The following TLN2 variants were observed in gnomAD, a reference collection of about 807,000 sequenced individuals.
The protein encoded by TLN2 is talin 2.
A neutral mutation model predicts 294.7 loss-of-function variants in TLN2; 118 were observed. That is an observed-to-expected ratio of 0.40 (90% confidence interval 0.34 to 0.47). The LOEUF is 0.47. Ranked by LOEUF, TLN2 falls within the 20% of genes least tolerant of loss-of-function variation. The pLI, the probability that TLN2 is intolerant of heterozygous loss-of-function variation, is 0.84. For synonymous variants in TLN2, 1,431 were observed against 1,304.5 expected, an observed-to-expected ratio of 1.10 and a Z score of -2.09; for missense variants, 3,083 against 3,282.2, an observed-to-expected ratio of 0.94 and a Z score of 1.48.
Position 62,842,165 on chromosome 15 carries a change from A to ATATT in TLN2, c.*1559_*1562dup, listed in dbSNP as rs1352762948. The ATATT allele has an allele frequency of 2.6e-5, 4 of 151,786 alleles. No individual in the cohort carries two copies. The highest frequency in any genetic ancestry group is 2.1e-4 in the South Asian group (1 of 4,828). 9.4% of individuals were successfully genotyped at this position (151,786 alleles called of 1,614,324 possible). A position where few individuals can be genotyped will look rare whatever the true frequency, so the allele number is the denominator to read the frequency against. ...ATACATAAACTTCTGACAGCTTCCCATATTTATAAGTTACTTATAAGTGCT... is the reference window on the plus strand; with the variant it reads ...ATACATAAACTTCTGACAGCTTCCCATATTTATTTATAAGTTACTTATAAGTGCT... On this transcript the variant is annotated 3_prime_UTR_variant, in exon 59 of 59. Coordinates refer to ENST00000636159, the MANE Select transcript of TLN2 (RefSeq NM_015059.3).
Position 62,563,352 on chromosome 15 carries a change from G to T in TLN2, c.-237-26335G>T, listed in dbSNP as rs149915369. Among the ~76,000 whole-genome samples the T allele has an allele frequency of 5.3e-5, 8 of 152,248 alleles. No homozygotes were observed. In the East Asian group the frequency reaches 1.5e-3, roughly 29 times the overall value. Reference sequence around the variant, plus strand: ...TTGCATTTCCCTGATCATTAGTGACGTTGAGCATTTTGTTCATTTTGTTGG... The same window carrying T: ...TTGCATTTCCCTGATCATTAGTGACTTTGAGCATTTTGTTCATTTTGTTGG... On this transcript the variant is annotated intron_variant, in intron 1 of 58. Transcript: ENST00000636159.
chr15:62,770,275 C>T (rs564552079), intron 41 of TLN2, among the ~76,000 whole-genome samples: 83 of 152,334 alleles, frequency 5.4e-4, no homozygotes, highest in Admixed American at 4.2e-3. Flanking sequence ...GGGGTGCGCC[C>T]GCTAGATGTT....
chr15:62,631,626 C>T (rs1335710193), intron 3 of TLN2, among the ~76,000 whole-genome samples: 1 of 137,824 alleles, frequency 7.3e-6, no homozygotes, highest in African/African-American at 2.8e-5. Flanking sequence ...TTCCCTCCTC[C>T]CTCCCTTTCT....
chr15:62,707,937 T>G (rs945263685), intron 20 of TLN2, among the ~76,000 whole-genome samples: 6 of 152,038 alleles, frequency 3.9e-5, no homozygotes, highest in African/African-American at 9.7e-5. Flanking sequence ...TGGCCTGTCA[T>G]GTTGTATAGA....
chr15:62,840,326 G>GTGAC (rs2070491800), intron 58 of TLN2, among the ~76,000 whole-genome samples, 156 bp from the exon 59 acceptor site: 1 of 152,036 alleles, frequency 6.6e-6, no homozygotes, highest in Non-Finnish European at 1.5e-5. Flanking sequence ...AACCCAAACA[G>GTGAC]TGACAGAGGC....
chr15:62,742,645 T>C (rs1282942168), intron 32 of TLN2, among the ~76,000 whole-genome samples: 2 of 152,188 alleles, frequency 1.3e-5, no homozygotes, highest in Non-Finnish European at 2.9e-5. Context: ...AAAAAAGCTT[T>C]CGTTGCCTTT....
chr15:62,395,758 A>G (rs1476721908), intron 1 of TLN2, among the ~76,000 whole-genome samples: 3 of 152,260 alleles, frequency 2.0e-5, no homozygotes, highest in African/African-American at 7.2e-5. Flanking sequence ...AGTGCATAAC[A>G]TAATTAAAAA....
chr15:62,592,243 G>A (rs1472056390), intron 2 of TLN2, among the ~76,000 whole-genome samples: 1 of 152,238 alleles, frequency 6.6e-6, no homozygotes, highest in East Asian at 1.9e-4. Context: ...GAGAAGTTAT[G>A]TGTACTCTGC....
chr15:62,570,939 G>A (rs1219268075), intron 1 of TLN2, among the ~76,000 whole-genome samples: 1 of 151,114 alleles, frequency 6.6e-6, no homozygotes, highest in African/African-American at 2.5e-5. Context: ...GTGTGTGTGT[G>A]TGTGTAGGGA....
chr15:62,753,921 C>T lies in TLN2; in HGVS notation c.4476+5C>T. ...CCTGGCAGCAGCCCATCACAGGTAA[C>T]TGTTGGGGAGGATGTAAGATTTCAA... is the stretch of plus-strand genomic sequence containing the variant. On this transcript the variant is annotated splice_donor_5th_base_variant and intron_variant, in intron 36 of 58. Transcript: ENST00000636159. The T allele has an allele frequency of 2.5e-6, 4 of 1,589,270 alleles. No individual in the cohort carries two copies. Among genetic ancestry groups the T allele is most frequent in the Non-Finnish European group, 2.6e-6 (3 of 1,167,148 alleles).
intron 1 of TLN2, among the ~76,000 whole-genome samples, chr15:62,530,604 CT>C (rs1423603980): frequency 6.6e-6 from 1 of 152,196 alleles, no homozygotes; most frequent in Non-Finnish European, 1.5e-5. Flanking sequence ...ATCTGCCTGC[CT>C]TGGCCTCCCA....
At chr15:62,582,231 CACACACACACACA>C (rs1567138717) in intron 1 of TLN2, among the ~76,000 whole-genome samples, 21 of 145,684 alleles carry the variant, frequency 1.4e-4, no homozygotes, top group South Asian at 2.4e-4. Flanking sequence ...CACACACACA[CACACACACACACA>C]CACATTCATG....
intron 1 of TLN2, among the ~76,000 whole-genome samples, chr15:62,509,372 C>A (rs558615135): frequency 1.3e-5 from 2 of 152,240 alleles, no homozygotes; most frequent in South Asian, 2.1e-4. Context: ...GCATTTGTTG[C>A]GAGTGATTCC....
intron 45 of TLN2, among the ~76,000 whole-genome samples, chr15:62,790,105 A>G (rs988865225): frequency 3.9e-5 from 6 of 152,236 alleles, no homozygotes; most frequent in African/African-American, 1.4e-4. Flanking sequence ...TGCATGTAAC[A>G]GGATTTTCTC....
chr15:62,833,347 C>A, intron 54 of TLN2, 157 bp from the exon 55 acceptor site: 4 of 1,169,842 alleles, frequency 3.4e-6, no homozygotes, highest in Non-Finnish European at 4.8e-6. Context: ...GACCTGTCAT[C>A]TGCTTCTTGT....
chr15:62,757,984 G>A (rs2062413197), intron 37 of TLN2, among the ~76,000 whole-genome samples: 1 of 152,216 alleles, frequency 6.6e-6, no homozygotes, highest in African/African-American at 2.4e-5. Context: ...GAATGGTTAT[G>A]TGTTCTGTCA....
intron 1 of TLN2, among the ~76,000 whole-genome samples, chr15:62,549,475 G>GCCATCCATCCAT (rs774084813): frequency 1.6e-5 from 2 of 125,310 alleles, no homozygotes; most frequent in East Asian, 3.8e-4. Context: ...TGCCATGCAT[G>GCCATCCATCCAT]CCATGCATCC....
intron 11 of TLN2, among the ~76,000 whole-genome samples, chr15:62,679,139 T>C (rs1343807528): frequency 6.6e-6 from 1 of 151,778 alleles, no homozygotes; most frequent in African/African-American, 2.4e-5. Flanking sequence ...TTGGTGAGGA[T>C]ATGGAAAAAT....
chr15:62,557,017 G>GGA (rs2042642942), intron 1 of TLN2, among the ~76,000 whole-genome samples: 1 of 152,212 alleles, frequency 6.6e-6, no homozygotes, highest in Admixed American at 6.5e-5. Context: ...ATCAAAAACA[G>GGA]ATTCTCATAT....
Sources: allele counts gnomAD v4.1 joint callset (sites outside exome capture counted in the v4.1 genomes callset), GRCh38; gene constraint gnomAD v4.1.1; transcripts MANE v1.5; gene names NCBI Gene and HGNC (gene_info 2026-07-23, HGNC 2026-07-21).